MEIS2: variants seen among roughly 807,000 people sequenced by gnomAD.
The protein encoded by MEIS2 is Meis homeobox 2.
Under a neutral mutation model 58.6 loss-of-function variants are expected in MEIS2, and 9 were observed. The observed-to-expected ratio is 0.15, with a 90% CI of 0.09 to 0.27. MEIS2 has a LOEUF of 0.27. Among genes scored for constraint, MEIS2 ranks in the 10% least tolerant of loss-of-function variants. The probability of loss-of-function intolerance (pLI) is 1.00; values close to 1 mark genes in which losing one functional copy is unlikely to be tolerated. For synonymous variants in MEIS2, 221 were observed against 228.4 expected, an observed-to-expected ratio of 0.97 and a Z score of 0.29; for missense variants, 427 against 635.0, an observed-to-expected ratio of 0.67 and a Z score of 3.52.
At chr15:36,930,334 AG>A (rs2141328365) in intron 9 of MEIS2, among the ~76,000 whole-genome samples, 1 of 152,248 alleles carries the variant, frequency 6.6e-6, no homozygotes, top group African/African-American at 2.4e-5. Context: ...AGAAATAAAA[AG>A]GAGCTGCCAA....
At chr15:37,039,306 A>ACACACTCT (rs2062310136) in intron 7 of MEIS2, among the ~76,000 whole-genome samples, 1 of 152,196 alleles carries the variant, frequency 6.6e-6, no homozygotes, top group African/African-American at 2.4e-5. Flanking sequence ...AAATATAAAA[A>ACACACTCT]CACACTCTGT....
intron 8 of MEIS2, among the ~76,000 whole-genome samples, chr15:37,006,419 G>A (rs952799948): frequency 6.6e-6 from 1 of 152,170 alleles, no homozygotes; most frequent in African/African-American, 2.4e-5. Flanking sequence ...GAGAAATTAA[G>A]ATGTCAGCTT....
chr15:36,980,439 A>T (rs1470471347), intron 8 of MEIS2, among the ~76,000 whole-genome samples: 1 of 152,160 alleles, frequency 6.6e-6, no homozygotes, highest in East Asian at 1.9e-4. Context: ...GAAGGCAAGG[A>T]GGAGCAAGTC....
At chr15:37,076,741 A>G (rs997570870) in intron 7 of MEIS2, among the ~76,000 whole-genome samples, 3 of 152,128 alleles carry the variant, frequency 2.0e-5, no homozygotes, top group Non-Finnish European at 4.4e-5. Context: ...TTAAATGGTC[A>G]GCTGTAATCT....
chr15:37,042,631 T>C (rs1412608979), intron 7 of MEIS2, among the ~76,000 whole-genome samples: 1 of 152,184 alleles, frequency 6.6e-6, no homozygotes, highest in Non-Finnish European at 1.5e-5. Flanking sequence ...ATCCAAACAA[T>C]GCTTGATTCT....
chr15:37,013,266 G>A (rs1395339858), intron 8 of MEIS2, among the ~76,000 whole-genome samples: 1 of 152,088 alleles, frequency 6.6e-6, no homozygotes, highest in African/African-American at 2.4e-5. Flanking sequence ...CAGAAGAGAG[G>A]AGAGGAAAAA....
intron 8 of MEIS2, among the ~76,000 whole-genome samples, chr15:36,987,783 G>GTT (rs146591977): frequency 2.1e-5 from 3 of 146,170 alleles, no homozygotes; most frequent in Non-Finnish European, 1.5e-5. Flanking sequence ...GCTATGACCA[G>GTT]TTTTTTTTTT....
At chr15:36,970,766 A>T (rs1018537227) in intron 8 of MEIS2, among the ~76,000 whole-genome samples, 2 of 152,206 alleles carry the variant, frequency 1.3e-5, no homozygotes, top group Non-Finnish European at 2.9e-5. Context: ...CACATCGTAA[A>T]CTAGAGAATC....
intron 8 of MEIS2, among the ~76,000 whole-genome samples, chr15:36,957,420 G>A (rs569511555): frequency 6.6e-6 from 1 of 152,226 alleles, no homozygotes; most frequent in South Asian, 2.1e-4. Flanking sequence ...CCCTTACCCG[G>A]CTGCTGAAGG....
intron 8 of MEIS2, among the ~76,000 whole-genome samples, chr15:37,009,728 A>G (rs1595917450): frequency 6.6e-6 from 1 of 152,200 alleles, no homozygotes; most frequent in African/African-American, 2.4e-5. Flanking sequence ...AAATTTAAAG[A>G]TTTCTTCACT....
chr15:36,894,915 T>G, intron 11 of MEIS2: 2 of 1,098,188 alleles, frequency 1.8e-6, no homozygotes, highest in Admixed American at 3.5e-5. Flanking sequence ...TTGCCTTGGT[T>G]TAAAAAGAAA....
chr15:37,043,721 C>T (rs1350968321), intron 7 of MEIS2, among the ~76,000 whole-genome samples: 2 of 134,262 alleles, frequency 1.5e-5, no homozygotes, highest in African/African-American at 5.8e-5. Flanking sequence ...GTCCTACTAG[C>T]TCTGTTGCCG....
At chr15:37,063,242 G>A (rs567145231) in intron 7 of MEIS2, among the ~76,000 whole-genome samples, 1 of 152,090 alleles carries the variant, frequency 6.6e-6, no homozygotes, top group Non-Finnish European at 1.5e-5. Flanking sequence ...TGTTGCTCAG[G>A]GTGGACGCAA....
rs567184029 is a variant in MEIS2, at chr15:37,004,131, A to G, written c.900+32683T>C. Among the ~76,000 whole-genome samples, 3 of 152,328 alleles carry G rather than the reference A, an allele frequency of 2.0e-5. No individual in the cohort carries two copies. In the South Asian group the frequency reaches 6.2e-4, roughly 32 times the overall value. On this transcript the variant is annotated intron_variant, in intron 8 of 11. Transcript: ENST00000561208. ...CCTCCACAACTACTGGATGACTTTAATTGTTGGTCATGCCTAGCAGTTTCT... is the reference window on the plus strand; with the variant it reads ...CCTCCACAACTACTGGATGACTTTAGTTGTTGGTCATGCCTAGCAGTTTCT...
chr15:37,098,790 G>GA (rs1894719968), intron 1 of MEIS2: 2 of 537,592 alleles, frequency 3.7e-6, no homozygotes, highest in South Asian at 8.0e-5. Flanking sequence ...ATAAAGAGAA[G>GA]AAAAACGCTA....
At chr15:36,920,043 T>C (rs988478847) in intron 9 of MEIS2, among the ~76,000 whole-genome samples, 1 of 152,306 alleles carries the variant, frequency 6.6e-6, no homozygotes, top group East Asian at 1.9e-4. Flanking sequence ...TGGATACTGA[T>C]GCTGGAATAA....
intron 7 of MEIS2, among the ~76,000 whole-genome samples, chr15:37,054,246 C>T (rs1407270004): frequency 6.6e-6 from 1 of 152,162 alleles, no homozygotes; most frequent in Non-Finnish European, 1.5e-5. Flanking sequence ...CTCTCACAAT[C>T]TCCCTCAATT....
At chr15:36,916,639 C>T (rs2057293254) in intron 9 of MEIS2, among the ~76,000 whole-genome samples, 1 of 152,026 alleles carries the variant, frequency 6.6e-6, no homozygotes, top group African/African-American at 2.4e-5. Flanking sequence ...TGCTATGTTG[C>T]CCAGGCTGAT....
rs1280322785 is a variant in MEIS2, at chr15:36,889,320, A to C, written c.*2853T>G. Reference sequence around the variant, plus strand: ...TGACAGCTGAGTCTTTCTTAAATATACCCAAATCGGAACTCTTTACACTAA... The same window carrying C: ...TGACAGCTGAGTCTTTCTTAAATATCCCCAAATCGGAACTCTTTACACTAA... On this transcript the variant is annotated 3_prime_UTR_variant, in exon 12 of 12. Coordinates refer to ENST00000561208, the MANE Select transcript of MEIS2 (RefSeq NM_170675.5). 2.0e-5 allele frequency: 3 copies of C among 152,140 alleles called. No individual in the cohort carries two copies. Among genetic ancestry groups the C allele is most frequent in the Non-Finnish European group, 2.9e-5 (2 of 68,042 alleles). The allele number at this position is 152,140 out of a possible 1,614,324, so 9.4% of individuals were successfully genotyped here.
Sources: allele counts gnomAD v4.1 joint callset (sites outside exome capture counted in the v4.1 genomes callset), GRCh38; gene constraint gnomAD v4.1.1; transcripts MANE v1.5; gene names NCBI Gene and HGNC (gene_info 2026-07-23, HGNC 2026-07-21).